The following GOLGB1 variants were observed in gnomAD, a reference collection of about 807,000 sequenced individuals.
GOLGB1 encodes the protein golgin B1, also known as golgin subfamily B member 1.
A neutral mutation model predicts 336.9 loss-of-function variants in GOLGB1; 174 were observed. The observed-to-expected ratio is 0.52, with a 90% CI of 0.46 to 0.59. The LOEUF (loss-of-function observed/expected upper bound fraction) is 0.59, where lower values mean the gene tolerates loss of function less well. GOLGB1 is among the 20% of genes least tolerant of loss of function. GOLGB1 has a pLI of 0.00. For missense variants in GOLGB1, 3,331 were observed against 3,645.3 expected (o/e 0.91, Z 2.22); for synonymous variants, 1,208 against 1,289.2 (o/e 0.94, Z 1.35).
chr3:121,691,486 C>A lies in GOLGB1; in HGVS notation c.7878G>T (p.Leu2626Phe), dbSNP rs1942412222. ...AGAGTCCTAAAGTACCTTCTTCTTG[C>A]AAGGCTGTTACTTGTCTTGTTAGCT... is the stretch of plus-strand genomic sequence containing the variant. ...ISQLTRQVTA[L>F]QEEGTLGLYH... Residue 2626 changes from leucine to phenylalanine, a missense_variant, in exon 14 of 22, where the codon TTG (leucine) becomes TTT (phenylalanine). Physicochemically the swap from Leu to Phe is conservative, Grantham distance 22. Transcript: ENST00000614479. 6.2e-7 allele frequency: 1 copy of A among 1,613,022 alleles called. No homozygotes were observed.
At chr3:121,677,787 G>T (rs1940600972) in intron 15 of GOLGB1, among the ~76,000 whole-genome samples, 2 of 152,206 alleles carry the variant, frequency 1.3e-5, no homozygotes, top group South Asian at 4.1e-4. Flanking sequence ...GTTTACACTA[G>T]TAGCTGAACA....
At chr3:121,701,711 A>G (rs1015886064) in intron 11 of GOLGB1, among the ~76,000 whole-genome samples, 2 of 152,160 alleles carry the variant, frequency 1.3e-5, no homozygotes, top group African/African-American at 4.8e-5. Flanking sequence ...CAATCCAACA[A>G]AACTTTATTC....
intron 14 of GOLGB1, among the ~76,000 whole-genome samples, chr3:121,685,146 T>C (rs1341380204): frequency 6.6e-6 from 1 of 152,222 alleles, no homozygotes; most frequent in Non-Finnish European, 1.5e-5. Context: ...AACGCTCTAG[T>C]AGCATTTGTA....
chr3:121,671,099 A>G (rs1384304819), intron 17 of GOLGB1, among the ~76,000 whole-genome samples: 1 of 152,214 alleles, frequency 6.6e-6, no homozygotes, highest in African/African-American at 2.4e-5. Flanking sequence ...TACAACTGCA[A>G]AGATGAGTAG....
chr3:121,739,223 C>A (rs1946688987), intron 1 of GOLGB1, among the ~76,000 whole-genome samples: 1 of 152,006 alleles, frequency 6.6e-6, no homozygotes, highest in Admixed American at 6.6e-5. Flanking sequence ...CATAATCACA[C>A]CCCTACACTC....
rs760660026 is a variant in GOLGB1, at chr3:121,692,059, C to T, written c.7305G>A (p.Glu2435=). The change falls in exon 14 of 22, where the codon GAG becomes GAA. Residue 2435 remains glutamate (E), a synonymous_variant. Transcript: ENST00000614479. ...TGGTTTTATCAACAGCCTTTTTGTTCTCCTCTTCTAAAACAATATTCTCCT... is the reference window on the plus strand; with the variant it reads ...TGGTTTTATCAACAGCCTTTTTGTTTTCCTCTTCTAAAACAATATTCTCCT... The part of the protein sequence containing the change: ...EEEENIVLEE[E]NKKAVDKTNQ... 1 of 1,611,890 alleles carries T rather than the reference C, an allele frequency of 6.2e-7. No homozygotes were observed. The highest frequency in any genetic ancestry group is 8.5e-7 in the Non-Finnish European group (1 of 1,179,484).
At chr3:121,722,015 T>C (rs1945231353) in intron 6 of GOLGB1, among the ~76,000 whole-genome samples, 1 of 152,216 alleles carries the variant, frequency 6.6e-6, no homozygotes, top group South Asian at 2.1e-4. Context: ...AGTCATCAAT[T>C]AGGCTATAGA....
Position 121,668,790 on chromosome 3 carries a change from C to T in GOLGB1, c.9321+422G>A, listed in dbSNP as rs575020390. Among the ~76,000 whole-genome samples, 5 of 152,168 alleles carry T rather than the reference C, an allele frequency of 3.3e-5. No homozygotes were observed. In the South Asian group the frequency reaches 1.0e-3, roughly 32 times the overall value. The stretch of plus-strand genomic sequence containing the variant: ...CCCTCCCAACCCCCTTTTCCTCCTC[C>T]GTATCCTATACGTCTCCATACTAAT... On this transcript the variant is annotated intron_variant, in intron 18 of 21. Transcript: ENST00000614479.
At chr3:121,678,477 T>C (rs1940676814) in intron 15 of GOLGB1, among the ~76,000 whole-genome samples, 1 of 152,232 alleles carries the variant, frequency 6.6e-6, no homozygotes, top group African/African-American at 2.4e-5. Context: ...TCTTGTCCTC[T>C]AGCATTGGTG....
rs776291318 is a variant in GOLGB1, at chr3:121,693,966, T to G, written c.6557A>C (p.Asp2186Ala). The G allele has an allele frequency of 6.2e-7, 1 of 1,614,160 alleles. No individual in the cohort carries two copies. The highest frequency in any genetic ancestry group is 1.1e-5 in the South Asian group (1 of 91,082). Reference protein sequence around the residue: ...KEVQQLQENLDSTVTQLAAFT... With the variant: ...KEVQQLQENLASTVTQLAAFT... Reference sequence around the variant, plus strand: ...GGCTGCAAGCTGGGTCACAGTACTGTCCAAGTTTTCCTGAAGTTGCTGAAC... The same window carrying G: ...GGCTGCAAGCTGGGTCACAGTACTGGCCAAGTTTTCCTGAAGTTGCTGAAC... The change falls in exon 13 of 22, where the codon GAC becomes GCC. Residue 2186 changes from aspartate to alanine, a missense_variant. Physicochemically the swap from Asp to Ala is moderately radical, Grantham distance 126. Transcript: ENST00000614479.
At chr3:121,683,890 G>A (rs998250882) in intron 14 of GOLGB1, among the ~76,000 whole-genome samples, 1 of 151,964 alleles carries the variant, frequency 6.6e-6, no homozygotes, top group African/African-American at 2.4e-5. Flanking sequence ...AGCACTTTGG[G>A]GGGCCGAGGT....
At chr3:121,683,797 T>C (rs1398648538) in intron 14 of GOLGB1, among the ~76,000 whole-genome samples, 1 of 151,202 alleles carries the variant, frequency 6.6e-6, no homozygotes, top group Non-Finnish European at 1.5e-5. Flanking sequence ...TAAGAAAACG[T>C]CAAAAAACAA....
rs1942780706 is a variant in GOLGB1, at chr3:121,694,688, G to A, written c.5835C>T (p.Tyr1945=). ...LAELNGSIGN[Y]CQDVTDAQIK... ...TTTGGGCATCTGTAACATCCTGACA[G>A]TAATTCCCAATGCTTCCATTAAGTT... The change falls in exon 13 of 22, where the codon TAC becomes TAT. Residue 1945 remains tyrosine, a synonymous_variant. Transcript: ENST00000614479. The A allele has an allele frequency of 6.2e-7, 1 of 1,611,430 alleles. No individual in the cohort carries two copies. Among genetic ancestry groups the A allele is most frequent in the Non-Finnish European group, 8.5e-7 (1 of 1,179,676 alleles).
chr3:121,670,756 G>T (rs113931028), intron 17 of GOLGB1, among the ~76,000 whole-genome samples: 11 of 64,318 alleles, frequency 1.7e-4, no homozygotes, highest in Non-Finnish European at 2.6e-4. Flanking sequence ...GTTTTCTTTT[G>T]GGGGGGGGGG....
intron 15 of GOLGB1, among the ~76,000 whole-genome samples, chr3:121,679,000 A>G (rs1339897205): frequency 2.6e-5 from 4 of 152,184 alleles, no homozygotes; most frequent in Non-Finnish European, 4.4e-5. Context: ...ATTAAAAAAA[A>G]AATCAGAATT....
chr3:121,695,222 C>A lies in GOLGB1; in HGVS notation c.5301G>T (p.Gln1767His), dbSNP rs994567489. The change falls in exon 13 of 22, where the codon CAG (glutamine) becomes CAT (histidine). Residue 1767 changes from glutamine (Q) to histidine (H), a missense_variant. Physicochemically the swap from Gln to His is conservative, Grantham distance 24 (BLOSUM62 0). Transcript: ENST00000614479. ...CTTGTTTAGATACATTACCTTCTAT[C>A]TGATGCTTTAAATCTTGAACCTCTT... The part of the protein sequence containing the change: ...LSEEVQDLKH[Q>H]IEGNVSKQAN... 1.2e-6 allele frequency: 2 copies of A among 1,613,588 alleles called. No individual in the cohort carries two copies. The highest frequency in any genetic ancestry group is 1.3e-5 in the African/African-American group (1 of 74,988).
At chr3:121,665,122 C>T (rs1938424792) in intron 20 of GOLGB1, 91 bp from the exon 21 acceptor site, 2 of 743,736 alleles carry the variant, frequency 2.7e-6, no homozygotes, top group Middle Eastern at 3.5e-4. Flanking sequence ...CCACACAATG[C>T]AGCACAGGAG....
chr3:121,696,814 G>A lies in GOLGB1; in HGVS notation c.3709C>T (p.Gln1237Ter), dbSNP rs747119415. 1 of 1,614,018 alleles carries A rather than the reference G, an allele frequency of 6.2e-7. No individual in the cohort carries two copies. The highest frequency in any genetic ancestry group is 8.5e-7 in the Non-Finnish European group (1 of 1,179,904). The change falls in exon 13 of 22, where the codon CAG (glutamine) becomes TAG (stop). Residue 1237 changes from glutamine (Q) to a stop codon, truncating the protein, a stop_gained. Coordinates refer to ENST00000614479, the MANE Select transcript of GOLGB1 (RefSeq NM_001366282.2). LOFTEE classifies it high-confidence loss of function. ...QSKENENIGD[Q>*]LRQLQIQVRE... ...ACTTGAATCTGGAGTTGCCTTAGCT[G>A]GTCTCCAATATTCTCATTTTCCTTG...
chr3:121,694,557 G>T lies in GOLGB1; in HGVS notation c.5966C>A (p.Ser1989Ter). ...CTCCAAATATTCCTTTCGTATTTCTGATTCCACCTTAGTTTTTTCCTTGAC... is the reference window on the plus strand; with the variant it reads ...CTCCAAATATTCCTTTCGTATTTCTTATTCCACCTTAGTTTTTTCCTTGAC... The part of the protein sequence containing the change: ...QLVKEKTKVE[S>*]EIRKEYLEKI... Residue 1989 changes from serine to a stop codon, truncating the protein, a stop_gained, in exon 13 of 22, where the codon TCA becomes TAA. Coordinates refer to ENST00000614479, the MANE Select transcript of GOLGB1 (RefSeq NM_001366282.2). LOFTEE classifies it high-confidence loss of function. 1 of 1,612,404 alleles carries T rather than the reference G, an allele frequency of 6.2e-7. No homozygotes were observed.
Sources: allele counts gnomAD v4.1 joint callset (sites outside exome capture counted in the v4.1 genomes callset), GRCh38; gene constraint gnomAD v4.1.1; transcripts MANE v1.5; gene names NCBI Gene and HGNC (gene_info 2026-07-23, HGNC 2026-07-21).